The following TPRG1 variants were observed in gnomAD, a reference collection of about 807,000 sequenced individuals.
The protein encoded by TPRG1 is tumor protein p63 regulated 1, also known as tumor protein p63-regulated gene 1 protein.
In TPRG1, 29 loss-of-function variants were observed where a neutral mutation model predicts 29.3. That is an observed-to-expected ratio of 0.99 (90% CI 0.74 to 1.35). The LOEUF (loss-of-function observed/expected upper bound fraction) is 1.35. TPRG1 is among the 40% of genes most tolerant of loss of function. The pLI, the probability that TPRG1 is intolerant of heterozygous loss-of-function variation, is 0.00. For synonymous variants in TPRG1, 130 were observed against 116.8 expected, an observed-to-expected ratio of 1.11 and a Z score of -0.73; for missense variants, 327 against 335.0, an observed-to-expected ratio of 0.98 and a Z score of 0.19.
At chr3:189,128,641 A>G (rs1722762008) in intron 2 of TPRG1, among the ~76,000 whole-genome samples, 1 of 152,202 alleles carries the variant, frequency 6.6e-6, no homozygotes. Context: ...CCTCATATCA[A>G]CAAAATGTTG....
intron 1 of TPRG1, among the ~76,000 whole-genome samples, chr3:189,185,256 C>T (rs1406267888): frequency 1.3e-5 from 2 of 151,956 alleles, no homozygotes; most frequent in Non-Finnish European, 2.9e-5. Flanking sequence ...CACTCAGTTA[C>T]CCAGGCTGGC....
chr3:189,207,244 T>C (rs1452250114), intron 1 of TPRG1, 132 bp from the exon 2 acceptor site: 1 of 1,424,936 alleles, frequency 7.0e-7, no homozygotes, highest in Non-Finnish European at 9.3e-7. Flanking sequence ...CCAATGCCTC[T>C]GTTTAGTTAA....
At chr3:189,078,301 C>A (rs367881915) in intron 4 of TPRG1, among the ~76,000 whole-genome samples, 48 of 151,938 alleles carry the variant, frequency 3.2e-4, no homozygotes, top group African/African-American at 1.1e-3. Context: ...CCATGCTTGG[C>A]TAATTTTTGT....
At chr3:189,049,193 A>T (rs924128801) in intron 4 of TPRG1, among the ~76,000 whole-genome samples, 1 of 152,230 alleles carries the variant, frequency 6.6e-6, no homozygotes, top group Admixed American at 6.5e-5. Flanking sequence ...AGGCACAGGC[A>T]CGGAAGAACT....
At position 189,280,804 on chromosome 3, in the gene TPRG1, C is replaced by T. The variant is rs558422592; in HGVS notation, c.480-29582C>T. 9.9e-5 allele frequency among the ~76,000 whole-genome samples: 15 copies of T among 152,256 alleles called. No individual in the cohort carries two copies. In the South Asian group the frequency reaches 2.9e-3, roughly 29 times the overall value. ...ATGAATGATACTATCTGCATCATAG[C>T]GTTGTATTAAAGATTAAGGGATATA... is the stretch of plus-strand genomic sequence containing the variant. On this transcript the variant is annotated intron_variant, in intron 4 of 5. Transcript: ENST00000345063.
intron 3 of TPRG1, among the ~76,000 whole-genome samples, chr3:189,223,702 G>A (rs1381852558): frequency 1.3e-5 from 2 of 152,170 alleles, no homozygotes; most frequent in Non-Finnish European, 2.9e-5. Context: ...TCTGGCCATG[G>A]TTGTACAAAT....
At chr3:189,119,135 G>T (rs570338685) in intron 1 of TPRG1, among the ~76,000 whole-genome samples, 3 of 152,366 alleles carry the variant, frequency 2.0e-5, no homozygotes, top group South Asian at 2.1e-4. Context: ...TTTTGTATCA[G>T]TGTGACGTGG....
chr3:189,309,266 A>C (rs576509017), intron 4 of TPRG1, among the ~76,000 whole-genome samples: 1 of 152,234 alleles, frequency 6.6e-6, no homozygotes, highest in South Asian at 2.1e-4. Flanking sequence ...CATTTGTGTG[A>C]AATTGTGCTT....
intron 1 of TPRG1, among the ~76,000 whole-genome samples, chr3:189,184,119 G>T (rs1197686644): frequency 6.6e-6 from 1 of 152,090 alleles, no homozygotes; most frequent in African/African-American, 2.4e-5. Flanking sequence ...CTCTGTTTGG[G>T]GTCCCTGACT....
rs531154189 is a variant in TPRG1, at chr3:189,153,796, G to A, written c.-10+2924G>A. On this transcript the variant is annotated intron_variant, in intron 5 of 6. Coordinates refer to the TPRG1 transcript ENST00000412373. ...GGCAAAAAGCAGAACTGATTGGAAG[G>A]AATAGAGGGCTGACTGATCTGAGAG... Among the ~76,000 whole-genome samples, 14 of 152,316 alleles carry A rather than the reference G, an allele frequency of 9.2e-5. No homozygotes were observed. The South Asian group carries it at 2.9e-3, about 32-fold the overall frequency.
intron 1 of TPRG1, among the ~76,000 whole-genome samples, chr3:189,115,385 A>G (rs1721047223): frequency 6.6e-6 from 1 of 152,190 alleles, no homozygotes; most frequent in South Asian, 2.1e-4. Flanking sequence ...TGAGCCTTCC[A>G]CAGTAGCTAG....
chr3:189,202,302 C>T (rs541043120), intron 1 of TPRG1, among the ~76,000 whole-genome samples: 11 of 152,250 alleles, frequency 7.2e-5, no homozygotes, highest in African/African-American at 2.2e-4. Flanking sequence ...AGAGCTACCC[C>T]CCTCAGACCG....
At chr3:189,116,330 C>T (rs1239345919) in intron 1 of TPRG1, among the ~76,000 whole-genome samples, 2 of 152,052 alleles carry the variant, frequency 1.3e-5, no homozygotes, top group South Asian at 2.1e-4. Flanking sequence ...GCGTCCACCA[C>T]CATGCCCGGC....
upstream of TPRG1, among the ~76,000 whole-genome samples, chr3:189,167,414 A>G (rs1728296581): frequency 6.6e-6 from 1 of 152,216 alleles, no homozygotes; most frequent in South Asian, 2.1e-4. Flanking sequence ...TCTCCCTGCC[A>G]TGAATGGCTG....
At chr3:189,206,053 G>GTCTT (rs1188470086) in intron 1 of TPRG1, among the ~76,000 whole-genome samples, 4 of 41,048 alleles carry the variant, frequency 9.7e-5, no homozygotes, top group Non-Finnish European at 1.4e-4. Flanking sequence ...CCTTTCTTCT[G>GTCTT]TCTTTCTTTC....
intron 4 of TPRG1, among the ~76,000 whole-genome samples, chr3:189,089,185 C>CA (rs201362137): frequency 0.014 from 2,069 of 152,126 alleles, 45 homozygotes; most frequent in African/African-American, 0.045. Context: ...AGCTGTCCAT[C>CA]AAAAAACACT....
intron 1 of TPRG1, among the ~76,000 whole-genome samples, chr3:189,122,486 C>A (rs1415716597): frequency 1.3e-5 from 2 of 152,180 alleles, no homozygotes; most frequent in Admixed American, 1.3e-4. Context: ...TCTTTGAAAT[C>A]TCTTGGATTA....
chr3:189,031,567 T>A (rs1713936700), intron 4 of TPRG1, among the ~76,000 whole-genome samples: 1 of 152,226 alleles, frequency 6.6e-6, no homozygotes, highest in African/African-American at 2.4e-5. Context: ...CTCTTTCTGT[T>A]GTGGCTATCA....
At chr3:189,054,468 C>A (rs1715528251) in intron 4 of TPRG1, among the ~76,000 whole-genome samples, 1 of 150,280 alleles carries the variant, frequency 6.7e-6, no homozygotes, top group Non-Finnish European at 1.5e-5. Context: ...AATCAATGAT[C>A]TTTGATATTA....
Sources: allele counts gnomAD v4.1 joint callset (sites outside exome capture counted in the v4.1 genomes callset), GRCh38; gene constraint gnomAD v4.1.1; transcripts MANE v1.5; gene names NCBI Gene and HGNC (gene_info 2026-07-23, HGNC 2026-07-21).